Variants in FLRT2 observed in about 807,000 individuals in gnomAD.
FLRT2 encodes leucine-rich repeat transmembrane protein FLRT2.
In FLRT2, 15 loss-of-function variants were observed where a neutral mutation model predicts 40.0. That is an observed-to-expected ratio of 0.38 (90% CI 0.25 to 0.58). The LOEUF (loss-of-function observed/expected upper bound fraction) is 0.58. Ranked by LOEUF, FLRT2 falls within the 20% of genes least tolerant of loss-of-function variation. FLRT2 has a pLI of 0.71. For missense variants in FLRT2, 726 were observed against 840.0 expected (o/e 0.86, Z 1.68); for synonymous variants, 380 against 336.8 (o/e 1.13, Z -1.41).
rs1275303677 is a variant in FLRT2, at chr14:85,626,403, C to G, written c.*2906C>G. On this transcript the variant is annotated 3_prime_UTR_variant, in exon 2 of 2. Transcript: ENST00000330753. ...TGGGAAAAAAAGCCATGCTCACTGG[C>G]CAATAAAGAGCTTGATGCTGCCTGG... 1 of 167,018 alleles carries G rather than the reference C, an allele frequency of 6.0e-6. No homozygotes were observed. The highest frequency in any genetic ancestry group is 1.9e-4 in the East Asian group (1 of 5,196). The allele number at this position is 167,018 out of a possible 1,614,324, so 10.3% of individuals were successfully genotyped here.
intron 1 of FLRT2, among the ~76,000 whole-genome samples, chr14:85,553,569 T>A (rs916501634): frequency 3.9e-5 from 6 of 152,194 alleles, no homozygotes; most frequent in Non-Finnish European, 8.8e-5. Flanking sequence ...AAGGGTTATT[T>A]CTTTTGTTGA....
At position 85,622,066 on chromosome 14, in the gene FLRT2, G is replaced by T; in HGVS notation, c.552G>T (p.Glu184Asp). 6.2e-7 allele frequency: 1 copy of T among 1,614,050 alleles called. No individual in the cohort carries two copies. The highest frequency in any genetic ancestry group is 8.5e-7 in the Non-Finnish European group (1 of 1,180,006). Residue 184 changes from glutamate to aspartate, a missense_variant, in exon 2 of 2, where the codon GAG becomes GAT. By Grantham distance (45) the Glu-to-Asp change is conservative (BLOSUM62 2). This residue lies in a region of FLRT2 where 611 missense variants were observed against 690.0 expected (regional missense o/e 0.89). Transcript: ENST00000330753. Reference sequence around the variant, plus strand: ...TTGGGCTTCCTGTGGACTTGCAAGAGCTGAGAGTGGATGAAAATCGAATTG... The same window carrying T: ...TTGGGCTTCCTGTGGACTTGCAAGATCTGAGAGTGGATGAAAATCGAATTG... ...VPVGLPVDLQ[E>D]LRVDENRIAV...
Position 85,622,125 on chromosome 14 carries a change from C to T in FLRT2, c.611C>T (p.Thr204Met), listed in dbSNP as rs1304281167. The change falls in exon 2 of 2, where the codon ACG becomes ATG. Residue 204 changes from threonine to methionine, a missense_variant. By Grantham distance (81) the Thr-to-Met change is moderately conservative (BLOSUM62 -1). Transcript: ENST00000330753. ...TCCGACATGGCCTTCCAGAATCTCA[C>T]GAGCTTGGAGCGTCTTATTGTGGAC... ...VISDMAFQNL[T>M]SLERLIVDGN... is the part of the protein sequence containing the mutation. The T allele has an allele frequency of 2.5e-6, 4 of 1,614,114 alleles. No homozygotes were observed. Among genetic ancestry groups the T allele is most frequent in the Admixed American group, 1.7e-5 (1 of 60,026 alleles).
chr14:85,598,809 C>T (rs1057219514), intron 1 of FLRT2, among the ~76,000 whole-genome samples: 3 of 152,042 alleles, frequency 2.0e-5, no homozygotes, highest in African/African-American at 7.2e-5. Flanking sequence ...CCTCCTTCTC[C>T]TATTCAGACA....
At chr14:85,617,659 G>A (rs1893194211) in intron 1 of FLRT2, among the ~76,000 whole-genome samples, 1 of 152,182 alleles carries the variant, frequency 6.6e-6, no homozygotes, top group South Asian at 2.1e-4. Flanking sequence ...TTAGGTGGTT[G>A]TAATTTTACC....
In FLRT2 at chr14:85,625,243, T is replaced by A. The variant is rs982399600; in HGVS notation, c.*1746T>A. 6.0e-6 allele frequency: 1 copy of A among 167,070 alleles called. No homozygotes were observed. Among genetic ancestry groups the A allele is most frequent in the Admixed American group, 6.5e-5 (1 of 15,280 alleles). 10.3% of individuals were successfully genotyped at this position (167,070 alleles called of 1,614,324 possible). On this transcript the variant is annotated 3_prime_UTR_variant, in exon 2 of 2. Coordinates refer to ENST00000330753, the MANE Select transcript of FLRT2 (RefSeq NM_013231.6). ...AACATTTCACTCTGTGCTGCATATT[T>A]CTTTTACCATTGACCATTATTATAG...
intron 1 of FLRT2, among the ~76,000 whole-genome samples, chr14:85,595,478 C>A (rs1029259319): frequency 6.7e-6 from 1 of 149,222 alleles, no homozygotes; most frequent in Non-Finnish European, 1.5e-5. Flanking sequence ...CGACAAGGTG[C>A]TTGGCATTGA....
In FLRT2 at chr14:85,632,823, T is replaced by C. The variant is rs759879381; in HGVS notation, c.*9326T>C. 6.6e-6 allele frequency: 1 copy of C among 152,224 alleles called. No homozygotes were observed. The highest frequency in any genetic ancestry group is 1.9e-4 in the East Asian group (1 of 5,192). 9.4% of individuals were successfully genotyped at this position (152,224 alleles called of 1,614,324 possible). ...CAGTTTGAAATCAAGCTGACTTACTTTGGAATCCTGCTTCAACCACTGACC... is the reference window on the plus strand; with the variant it reads ...CAGTTTGAAATCAAGCTGACTTACTCTGGAATCCTGCTTCAACCACTGACC... On this transcript the variant is annotated 3_prime_UTR_variant, in exon 2 of 2. Transcript: ENST00000330753.
chr14:85,652,948 G>A lies in FLRT2; in HGVS notation c.*29451G>A, dbSNP rs1431072663. 6.6e-6 allele frequency: 1 copy of A among 152,048 alleles called. No individual in the cohort carries two copies. The highest frequency in any genetic ancestry group is 2.4e-5 in the African/African-American group (1 of 41,420). 9.4% of individuals were successfully genotyped at this position (152,048 alleles called of 1,614,324 possible). ...GAACTTTTCGATTTGTTCGGCTTGG[G>A]GAATGTCATAGTTCATTCTGTGAGT... On this transcript the variant is annotated 3_prime_UTR_variant, in exon 2 of 2. Transcript: ENST00000330753.
At chr14:85,561,986 T>C (rs1890357390) in intron 1 of FLRT2, among the ~76,000 whole-genome samples, 1 of 152,152 alleles carries the variant, frequency 6.6e-6, no homozygotes, top group African/African-American at 2.4e-5. Context: ...CATGGACACA[T>C]TCCCTCATTT....
At chr14:85,610,465 T>G (rs1270491118) in intron 1 of FLRT2, among the ~76,000 whole-genome samples, 1 of 152,218 alleles carries the variant, frequency 6.6e-6, no homozygotes, top group Non-Finnish European at 1.5e-5. Context: ...AGGCTTTTCA[T>G]TGCCGTGAGA....
In FLRT2 at chr14:85,641,117, A is replaced by G. The variant is rs1006463687; in HGVS notation, c.*17620A>G. The G allele has an allele frequency of 6.6e-6, 1 of 152,200 alleles. No homozygotes were observed. The highest frequency in any genetic ancestry group is 2.4e-5 in the African/African-American group (1 of 41,446). 9.4% of individuals were successfully genotyped at this position (152,200 alleles called of 1,614,324 possible). A position where few individuals can be genotyped will look rare whatever the true frequency, so the allele number is the denominator to read the frequency against. On this transcript the variant is annotated 3_prime_UTR_variant, in exon 2 of 2. Coordinates refer to ENST00000330753, the MANE Select transcript of FLRT2 (RefSeq NM_013231.6). ...TTTCTGCGAAAACCCACGAAAGTGA[A>G]AACTAACAATAGAGAAGCCTTTTAA...
intron 1 of FLRT2, among the ~76,000 whole-genome samples, chr14:85,565,864 G>A: frequency 6.6e-6 from 1 of 152,168 alleles, no homozygotes. Context: ...CCACCATGAG[G>A]TCTTATCTTA....
chr14:85,590,601 T>A (rs879609581), intron 1 of FLRT2, among the ~76,000 whole-genome samples: 5 of 152,124 alleles, frequency 3.3e-5, no homozygotes, highest in Non-Finnish European at 4.4e-5. Context: ...TTATTTTTAT[T>A]TTTATTTCAT....
chr14:85,533,737 G>T (rs1441982371), intron 1 of FLRT2, among the ~76,000 whole-genome samples: 1 of 151,894 alleles, frequency 6.6e-6, no homozygotes, highest in Non-Finnish European at 1.5e-5. Flanking sequence ...CTCCGTAGGG[G>T]ACGTAGGCGA....
chr14:85,577,584 A>AT lies in FLRT2; in HGVS notation c.-376-43553dup, dbSNP rs1356174888. ...CCTACCTTCCATGTGTGTTTTCCTG[A>AT]TTATTTTTTTTTTTTCTTTTGAGAC... On this transcript the variant is annotated intron_variant, in intron 1 of 1. Coordinates refer to ENST00000330753, the MANE Select transcript of FLRT2 (RefSeq NM_013231.6). Among the ~76,000 whole-genome samples, 18 of 149,386 alleles carry AT rather than the reference A, an allele frequency of 1.2e-4. 1 individual carries two copies. Among genetic ancestry groups the AT allele is most frequent in the South Asian group, 2.1e-4 (1 of 4,742 alleles).
chr14:85,589,687 A>T (rs1364431342), intron 1 of FLRT2, among the ~76,000 whole-genome samples: 1 of 152,106 alleles, frequency 6.6e-6, no homozygotes, highest in Non-Finnish European at 1.5e-5. Context: ...TTTTGCCCAT[A>T]CCAATGTCCT....
Position 85,549,351 on chromosome 14 carries a change from T to C in FLRT2, c.-377+18817T>C, listed in dbSNP as rs1294659136. ...TGCTGCCATGGGCCTGCACGGAGTT[T>C]TGCTTCTGCCCAGTTGCCCAGAAGC... On this transcript the variant is annotated intron_variant, in intron 1 of 1. Transcript: ENST00000330753. Among the ~76,000 whole-genome samples the C allele has an allele frequency of 2.0e-5, 3 of 152,178 alleles. No individual in the cohort carries two copies. The East Asian group carries it at 5.8e-4, about 29-fold the overall frequency.
intron 1 of FLRT2, among the ~76,000 whole-genome samples, chr14:85,586,073 G>A (rs989726395): frequency 1.4e-4 from 21 of 147,410 alleles, no homozygotes; most frequent in South Asian, 6.3e-4. Context: ...GCTATATACA[G>A]TTTTTATATA....
Sources: allele counts gnomAD v4.1 joint callset (sites outside exome capture counted in the v4.1 genomes callset), GRCh38; gene constraint gnomAD v4.1.1; regional missense constraint gnomAD v4.1.1; transcripts MANE v1.5; gene names NCBI Gene and HGNC (gene_info 2026-07-23, HGNC 2026-07-21).